ST6GAL2: variants seen among roughly 807,000 people sequenced by gnomAD.
The protein encoded by ST6GAL2 is beta-galactoside alpha-2,6-sialyltransferase 2.
ST6GAL2 carries 24 observed loss-of-function variants against 37.5 expected under a neutral mutation model. The observed-to-expected ratio is 0.64, with a 90% CI of 0.46 to 0.90. The LOEUF is 0.90. ST6GAL2 is among the 40% of genes least tolerant of loss of function. ST6GAL2 has a pLI of 0.00. For synonymous variants in ST6GAL2, 306 were observed against 295.1 expected, an observed-to-expected ratio of 1.04 and a Z score of -0.38; for missense variants, 715 against 712.7, an observed-to-expected ratio of 1.00 and a Z score of -0.04.
chr2:106,842,664 TC>T (rs1676939942), intron 2 of ST6GAL2, among the ~76,000 whole-genome samples: 1 of 152,158 alleles, frequency 6.6e-6, no homozygotes, highest in Non-Finnish European at 1.5e-5. Context: ...TGGGGGCATA[TC>T]CATGCAGACT....
rs1309029685 is a variant in ST6GAL2, at chr2:106,843,241, A to C, written c.737T>G (p.Leu246Arg). Residue 246 changes from leucine (L) to arginine (R), a missense_variant, in exon 2 of 6, where the codon CTG becomes CGG. Transcript: ENST00000409382. ...VRFRGKREAGLSRAQLLCQLR... is the reference protein window; with the variant it reads ...VRFRGKREAGRSRAQLLCQLR... ...CTGGCACAGCAGCTGTGCCCTGCTC[A>C]GCCCGGCCTCCCGCTTCCCGCGGAA... The C allele has an allele frequency of 1.3e-6, 2 of 1,584,412 alleles. No individual in the cohort carries two copies. The highest frequency in any genetic ancestry group is 1.7e-6 in the Non-Finnish European group (2 of 1,165,004).
chr2:106,882,616 G>A (rs898408755), intron 1 of ST6GAL2, among the ~76,000 whole-genome samples: 8 of 152,168 alleles, frequency 5.3e-5, no homozygotes, highest in Admixed American at 1.3e-4. Context: ...GAAGACATGT[G>A]GGAAAGGATT....
At chr2:106,829,211 G>T (rs181098142) in intron 5 of ST6GAL2, among the ~76,000 whole-genome samples, 3 of 152,306 alleles carry the variant, frequency 2.0e-5, no homozygotes, top group East Asian at 3.9e-4. Context: ...AGAGGCGGGG[G>T]TCTATGTTTT....
chr2:106,866,991 T>A (rs1573305453), intron 1 of ST6GAL2, among the ~76,000 whole-genome samples: 1 of 152,288 alleles, frequency 6.6e-6, no homozygotes, highest in East Asian at 1.9e-4. Flanking sequence ...AACATACCAA[T>A]AATTACATTT....
chr2:106,836,513 T>C (rs559471656), intron 2 of ST6GAL2, among the ~76,000 whole-genome samples: 9 of 152,186 alleles, frequency 5.9e-5, no homozygotes, highest in African/African-American at 2.2e-4. Context: ...TCACGCATAA[T>C]TGTATAATAT....
At chr2:106,879,012 A>G (rs1200221475) in intron 1 of ST6GAL2, among the ~76,000 whole-genome samples, 1 of 152,172 alleles carries the variant, frequency 6.6e-6, no homozygotes, top group Non-Finnish European at 1.5e-5. Context: ...ATTGGGATAG[A>G]TACACACCAT....
At chr2:106,851,703 T>C (rs1465494094) in intron 1 of ST6GAL2, among the ~76,000 whole-genome samples, 1 of 150,678 alleles carries the variant, frequency 6.6e-6, no homozygotes, top group Admixed American at 6.6e-5. Flanking sequence ...TTGATTGATG[T>C]GTCTGCTATT....
intron 2 of ST6GAL2, among the ~76,000 whole-genome samples, chr2:106,842,684 T>C (rs1470811222): frequency 6.6e-6 from 1 of 152,188 alleles, no homozygotes; most frequent in African/African-American, 2.4e-5. Context: ...CTGCGGTTTC[T>C]ATGGGATACG....
intron 5 of ST6GAL2, among the ~76,000 whole-genome samples, chr2:106,811,507 T>C (rs1025803987): frequency 6.6e-6 from 1 of 152,186 alleles, no homozygotes; most frequent in African/African-American, 2.4e-5. Context: ...TCATTGGCAA[T>C]TTAGAGCACC....
At chr2:106,840,760 G>T (rs1476855054) in intron 2 of ST6GAL2, among the ~76,000 whole-genome samples, 1 of 152,156 alleles carries the variant, frequency 6.6e-6, no homozygotes, top group Non-Finnish European at 1.5e-5. Flanking sequence ...ACAAGATTCT[G>T]GTCAGGGATA....
At chr2:106,846,088 C>T (rs1384906918) in intron 1 of ST6GAL2, among the ~76,000 whole-genome samples, 2 of 152,106 alleles carry the variant, frequency 1.3e-5, no homozygotes, top group Admixed American at 1.3e-4. Flanking sequence ...ATGTGAAGCG[C>T]GAAGAAGTCA....
At chr2:106,875,863 TAA>T (rs1678482067) in intron 1 of ST6GAL2, among the ~76,000 whole-genome samples, 1 of 152,262 alleles carries the variant, frequency 6.6e-6, no homozygotes, top group Non-Finnish European at 1.5e-5. Context: ...TTCCTTGGGC[TAA>T]GAGTCCTATA....
At chr2:106,829,842 T>C (rs1424527396) in intron 5 of ST6GAL2, among the ~76,000 whole-genome samples, 1 of 152,022 alleles carries the variant, frequency 6.6e-6, no homozygotes, top group African/African-American at 2.4e-5. Context: ...AAGCAAAGGC[T>C]CATTGAAGCA....
At chr2:106,837,672 C>T (rs187419518) in intron 2 of ST6GAL2, among the ~76,000 whole-genome samples, 50 of 152,244 alleles carry the variant, frequency 3.3e-4, no homozygotes, top group African/African-American at 1.0e-3. Context: ...CTCCAAACCA[C>T]GCTACCCACC....
chr2:106,877,444 G>A (rs1478420305), intron 1 of ST6GAL2, among the ~76,000 whole-genome samples: 4 of 152,186 alleles, frequency 2.6e-5, no homozygotes, highest in East Asian at 1.9e-4. Context: ...GATGTCACTC[G>A]CCCAAGCGTC....
At chr2:106,884,521 T>C (rs1198232861) in intron 1 of ST6GAL2, among the ~76,000 whole-genome samples, 1 of 152,118 alleles carries the variant, frequency 6.6e-6, no homozygotes, top group Non-Finnish European at 1.5e-5. Flanking sequence ...CAGTACTCCA[T>C]ATAAAGCAGT....
intron 5 of ST6GAL2, among the ~76,000 whole-genome samples, chr2:106,807,408 CTAT>C (rs776500841): frequency 9.9e-5 from 15 of 152,136 alleles, no homozygotes; most frequent in Non-Finnish European, 2.1e-4. Context: ...TATAAATTGA[CTAT>C]AATACAGTTG....
chr2:106,840,844 G>A (rs889019067), intron 2 of ST6GAL2, among the ~76,000 whole-genome samples: 2 of 152,224 alleles, frequency 1.3e-5, no homozygotes, highest in African/African-American at 4.8e-5. Flanking sequence ...CTCTGATGCA[G>A]AGGTGTTTAA....
intron 1 of ST6GAL2, among the ~76,000 whole-genome samples, chr2:106,884,938 T>TATATATATATAC (rs1426798721): frequency 4.6e-4 from 57 of 123,704 alleles, no homozygotes; most frequent in South Asian, 3.8e-3. Context: ...TATATATACA[T>TATATATATATAC]ACACACACAC....
Sources: allele counts gnomAD v4.1 joint callset (sites outside exome capture counted in the v4.1 genomes callset), GRCh38; gene constraint gnomAD v4.1.1; transcripts MANE v1.5; gene names NCBI Gene and HGNC (gene_info 2026-07-23, HGNC 2026-07-21).